The following LIN54 variants were observed in gnomAD, a reference collection of about 807,000 sequenced individuals.
LIN54 encodes protein lin-54 homolog.
In LIN54, 9 loss-of-function variants were observed where a neutral mutation model predicts 78.7. That is an observed-to-expected ratio of 0.11 (90% CI 0.07 to 0.20). The LOEUF (loss-of-function observed/expected upper bound fraction) is 0.20. Ranked by LOEUF, LIN54 falls within the 10% of genes least tolerant of loss-of-function variation. The probability of loss-of-function intolerance (pLI) is 1.00; values close to 1 mark genes in which losing one functional copy is unlikely to be tolerated. For missense variants in LIN54, 573 were observed against 889.9 expected, an observed-to-expected ratio of 0.64 and a Z score of 4.53; for synonymous variants, 269 against 318.4, an observed-to-expected ratio of 0.84 and a Z score of 1.65.
At chr4:82,928,741 T>G (rs1721693814) in intron 12 of LIN54, among the ~76,000 whole-genome samples, 1 of 152,212 alleles carries the variant, frequency 6.6e-6, no homozygotes, top group African/African-American at 2.4e-5. Flanking sequence ...TGAATAATAC[T>G]GGGAATTGAC....
rs547454202 is a variant in LIN54 at position 82,964,013 on chromosome 4, T to A, written c.951+6314A>T. On this transcript the variant is annotated intron_variant, in intron 4 of 12. Transcript: ENST00000340417. ...GTAATATGTGAATTATGACATTTTT[T>A]AACTTTCTTTTGAACCTCTATACAC... Among the ~76,000 whole-genome samples, 4 of 152,098 alleles carry A rather than the reference T, an allele frequency of 2.6e-5. No individual in the cohort carries two copies. The South Asian group carries it at 6.2e-4, about 24-fold the overall frequency.
intron 1 of LIN54, among the ~76,000 whole-genome samples, chr4:82,998,280 C>T (rs1728411770): frequency 6.6e-6 from 1 of 151,344 alleles, no homozygotes; most frequent in African/African-American, 2.4e-5. Context: ...TGCAGTGGCT[C>T]ATGCCTGTAA....
At chr4:82,968,296 G>A (rs12511592) in intron 4 of LIN54, among the ~76,000 whole-genome samples, 66,606 of 151,924 alleles carry the variant, frequency 0.44, 17,123 homozygotes, top group Admixed American at 0.59. Context: ...ATAGTTAAGT[G>A]TAAAATCTTG....
chr4:82,985,430 T>C (rs1035481390), intron 1 of LIN54, among the ~76,000 whole-genome samples: 2 of 152,224 alleles, frequency 1.3e-5, no homozygotes, highest in African/African-American at 4.8e-5. Context: ...ATCTCAGCAA[T>C]TGCAGATCAA....
At chr4:83,007,682 G>A (rs1729516665) in intron 1 of LIN54, among the ~76,000 whole-genome samples, 1 of 152,088 alleles carries the variant, frequency 6.6e-6, no homozygotes, top group Admixed American at 6.6e-5. Flanking sequence ...GAGCTCAGGA[G>A]TTTGAGACCA....
rs974515112 is a variant in LIN54 at position 82,964,954 on chromosome 4, C to T, written c.951+5373G>A. On this transcript the variant is annotated intron_variant, in intron 4 of 12. Coordinates refer to ENST00000340417, the MANE Select transcript of LIN54 (RefSeq NM_194282.4). ...CAGAGGTTGCAGTGAGCCAAGATCGCGCCACTGCACTCCAGCATGGGCAAC... is the reference window on the plus strand; with the variant it reads ...CAGAGGTTGCAGTGAGCCAAGATCGTGCCACTGCACTCCAGCATGGGCAAC... Among the ~76,000 whole-genome samples, 5 of 152,044 alleles carry T rather than the reference C, an allele frequency of 3.3e-5. No individual in the cohort carries two copies. In the South Asian group the frequency reaches 6.2e-4, roughly 19 times the overall value.
chr4:82,978,324 T>C (rs1349536716), intron 3 of LIN54, among the ~76,000 whole-genome samples: 3 of 152,234 alleles, frequency 2.0e-5, no homozygotes, highest in Non-Finnish European at 4.4e-5. Flanking sequence ...ATTTTCTGTT[T>C]ACAGAGAACT....
In LIN54 at chr4:82,926,181, T is replaced by G. The variant is rs1275688127; in HGVS notation, c.*1921A>C. On this transcript the variant is annotated 3_prime_UTR_variant, in exon 13 of 13. Coordinates refer to ENST00000340417, the MANE Select transcript of LIN54 (RefSeq NM_194282.4). ...ATAAATACACATCACAAAGGTGCAA[T>G]TAGAATTAACACAGAGTATGTACAA... 1 of 152,550 alleles carries G rather than the reference T, an allele frequency of 6.6e-6. No homozygotes were observed. The highest frequency in any genetic ancestry group is 2.4e-5 in the African/African-American group (1 of 41,438). 9.4% of individuals were successfully genotyped at this position (152,550 alleles called of 1,614,324 possible). A position where few individuals can be genotyped will look rare whatever the true frequency, so the allele number is the denominator to read the frequency against.
At chr4:82,986,533 G>T (rs1218207391) in intron 1 of LIN54, among the ~76,000 whole-genome samples, 1 of 151,174 alleles carries the variant, frequency 6.6e-6, no homozygotes, top group South Asian at 2.1e-4. Context: ...GTGAAACCCC[G>T]TCTCAACTAA....
chr4:83,000,827 C>CTTTTT (rs1553959274), intron 1 of LIN54, among the ~76,000 whole-genome samples: 1 of 120,540 alleles, frequency 8.3e-6, no homozygotes, highest in Admixed American at 9.3e-5. Flanking sequence ...GCAATAAATT[C>CTTTTT]TTTTTTTTTT....
intron 2 of LIN54, among the ~76,000 whole-genome samples, chr4:82,983,149 A>G (rs1726817806): frequency 6.6e-6 from 1 of 151,864 alleles, no homozygotes; most frequent in Non-Finnish European, 1.5e-5. Flanking sequence ...CTGGGATTAT[A>G]GGCACTCGCC....
rs138661518 is a variant in LIN54 at position 82,995,308 on chromosome 4, A to T, written c.-32-10432T>A. ...GGGTAAGATCCTGTCTCTGGGGGGAAAAAAATTAATTTAATTTAATTTTAA... is the reference window on the plus strand; with the variant it reads ...GGGTAAGATCCTGTCTCTGGGGGGATAAAAATTAATTTAATTTAATTTTAA... On this transcript the variant is annotated intron_variant, in intron 1 of 12. Coordinates refer to ENST00000340417, the MANE Select transcript of LIN54 (RefSeq NM_194282.4). Among the ~76,000 whole-genome samples the T allele has an allele frequency of 6.8e-3, 1,015 of 150,042 alleles. 15 individuals are homozygous for T. The highest frequency in any genetic ancestry group is 0.023 in the African/African-American group (932 of 39,906).
intron 1 of LIN54, among the ~76,000 whole-genome samples, chr4:82,990,718 C>T (rs1005341225): frequency 2.6e-5 from 4 of 152,034 alleles, no homozygotes; most frequent in Non-Finnish European, 4.4e-5. Flanking sequence ...CTCCTGACCT[C>T]GTGATCCGCC....
At chr4:82,940,449 G>A (rs749412764) in intron 5 of LIN54, among the ~76,000 whole-genome samples, 8 of 152,090 alleles carry the variant, frequency 5.3e-5, no homozygotes, top group Non-Finnish European at 1.2e-4. Context: ...CTGGAGTGTA[G>A]TGGTGCAATC....
chr4:82,931,068 C>T lies in LIN54; in HGVS notation c.1923G>A (p.Leu641=). 6.2e-7 allele frequency: 1 copy of T among 1,614,198 alleles called. No individual in the cohort carries two copies. Among genetic ancestry groups the T allele is most frequent in the Non-Finnish European group, 8.5e-7 (1 of 1,180,016 alleles). ...NFEESPERKT[L]MHLADAAEVR... ...CTTCAGCTGCATCTGCCAAATGCAT[C>T]AATGTCTTCCTTTCCGGGCTTTCTT... Residue 641 remains leucine (L), a synonymous_variant, in exon 12 of 13, where the codon TTG becomes TTA. Coordinates refer to ENST00000340417, the MANE Select transcript of LIN54 (RefSeq NM_194282.4).
At chr4:82,960,831 C>G (rs1273844557) in intron 4 of LIN54, among the ~76,000 whole-genome samples, 1 of 152,068 alleles carries the variant, frequency 6.6e-6, no homozygotes, top group African/African-American at 2.4e-5. Context: ...GAGGCTGAGG[C>G]AGGTAGGTCG....
intron 1 of LIN54, among the ~76,000 whole-genome samples, chr4:83,006,875 C>T (rs1438077964): frequency 6.6e-6 from 1 of 152,102 alleles, no homozygotes; most frequent in East Asian, 1.9e-4. Context: ...CGTGATGGCT[C>T]ACATCGGTAA....
At chr4:83,011,024 T>A (rs1729829859), upstream of LIN54, among the ~76,000 whole-genome samples, 1 of 152,156 alleles carries the variant, frequency 6.6e-6, no homozygotes, top group African/African-American at 2.4e-5. Context: ...TCGCGCCACC[T>A]GCGGGGTCCC....
intron 4 of LIN54, among the ~76,000 whole-genome samples, chr4:82,969,205 G>A (rs889404346): frequency 6.6e-6 from 1 of 152,080 alleles, no homozygotes; most frequent in Non-Finnish European, 1.5e-5. Flanking sequence ...TGCTCATCTG[G>A]AGCTAAGTCC....
Sources: allele counts gnomAD v4.1 joint callset (sites outside exome capture counted in the v4.1 genomes callset), GRCh38; gene constraint gnomAD v4.1.1; transcripts MANE v1.5; gene names NCBI Gene and HGNC (gene_info 2026-07-23, HGNC 2026-07-21).